PRDM5: variants seen among roughly 807,000 people sequenced by gnomAD.
PRDM5 encodes the protein PR domain zinc finger protein 5.
A neutral mutation model predicts 81.2 loss-of-function variants in PRDM5; 56 were observed. The ratio of observed to expected loss-of-function variants is 0.69; its 90% confidence interval spans 0.56 to 0.86. The LOEUF (loss-of-function observed/expected upper bound fraction) is 0.86. PRDM5 is among the 40% of genes least tolerant of loss of function. The pLI is 0.00. For synonymous variants in PRDM5, 267 were observed against 256.4 expected, an observed-to-expected ratio of 1.04 and a Z score of -0.39; for missense variants, 697 against 770.1, an observed-to-expected ratio of 0.91 and a Z score of 1.12.
At chr4:120,816,990 A>C in intron 5 of PRDM5, 66 bp from the exon 6 acceptor site, 1 of 1,211,610 alleles carries the variant, frequency 8.3e-7, no homozygotes, top group Non-Finnish European at 1.2e-6. Context: ...ACAAAAATGA[A>C]ACTACACTAA....
chr4:120,746,264 C>A (rs1411989697), intron 14 of PRDM5, among the ~76,000 whole-genome samples: 3 of 140,278 alleles, frequency 2.1e-5, no homozygotes, highest in African/African-American at 5.4e-5. Flanking sequence ...CTTCCTTACA[C>A]CTTATACAAA....
chr4:120,867,764 T>C (rs1312030329), intron 2 of PRDM5, among the ~76,000 whole-genome samples: 3 of 152,230 alleles, frequency 2.0e-5, no homozygotes, highest in African/African-American at 4.8e-5. Flanking sequence ...AAATAAGTCA[T>C]CTAAAATTAC....
chr4:120,734,734 A>G (rs1465508306), intron 14 of PRDM5, among the ~76,000 whole-genome samples: 1 of 151,900 alleles, frequency 6.6e-6, no homozygotes, highest in Admixed American at 6.6e-5. Flanking sequence ...TTTTTTTTCC[A>G]TTCCACATAG....
At position 120,721,180 on chromosome 4, in the gene PRDM5, AG is replaced by A. The variant is rs547515532; in HGVS notation, c.1624-10768del. 4.6e-5 allele frequency among the ~76,000 whole-genome samples: 7 copies of A among 152,326 alleles called. No homozygotes were observed. The South Asian group carries it at 1.5e-3, about 32-fold the overall frequency. ...AAAAGCCTTGTTTTCCTGGGGCTGC[AG>A]GGTGACTCAAACTAGTCCATTTGGA... On this transcript the variant is annotated intron_variant, in intron 14 of 15. Coordinates refer to ENST00000264808, the MANE Select transcript of PRDM5 (RefSeq NM_018699.4).
chr4:120,880,928 C>A (rs577281184), intron 2 of PRDM5, among the ~76,000 whole-genome samples: 5 of 152,016 alleles, frequency 3.3e-5, no homozygotes, highest in African/African-American at 1.2e-4. Flanking sequence ...TTAAGTTCAA[C>A]GAAATATTGT....
intron 13 of PRDM5, among the ~76,000 whole-genome samples, chr4:120,760,271 C>T (rs148770284): frequency 1.8e-3 from 279 of 152,216 alleles, no homozygotes; most frequent in Non-Finnish European, 3.4e-3. Context: ...TGGTTATCAA[C>T]GCTCATCAAG....
intron 2 of PRDM5, among the ~76,000 whole-genome samples, chr4:120,885,134 C>CAAAAAAAAA (rs60623556): frequency 4.7e-4 from 24 of 50,538 alleles, no homozygotes; most frequent in Non-Finnish European, 6.2e-4. Flanking sequence ...GACTCCGTAT[C>CAAAAAAAAA]AAAAAAAAAA....
intron 2 of PRDM5, among the ~76,000 whole-genome samples, chr4:120,859,264 G>C (rs1760283923): frequency 6.6e-6 from 1 of 151,072 alleles, no homozygotes. Flanking sequence ...AGAGGGCAGT[G>C]GCACAGCACC....
intron 2 of PRDM5, among the ~76,000 whole-genome samples, chr4:120,871,766 C>CAAA (rs139374666): frequency 1.5e-5 from 2 of 137,700 alleles, no homozygotes; most frequent in Admixed American, 7.4e-5. Flanking sequence ...GCTACTGTTT[C>CAAA]AAAAAAAAAA....
At chr4:120,784,925 A>G (rs1469526173) in intron 11 of PRDM5, 73 bp downstream of exon 11, 1 of 1,193,052 alleles carries the variant, frequency 8.4e-7, no homozygotes, top group Non-Finnish European at 1.2e-6. Flanking sequence ...TGGGATGTCT[A>G]CATTCTCAAA....
chr4:120,782,209 T>C (rs144721220), intron 11 of PRDM5, among the ~76,000 whole-genome samples: 44 of 152,306 alleles, frequency 2.9e-4, no homozygotes, highest in African/African-American at 1.1e-3. Context: ...TATGTGACTA[T>C]ATAAATAAGA....
intron 10 of PRDM5, among the ~76,000 whole-genome samples, chr4:120,794,076 T>G (rs997772409): frequency 3.9e-5 from 6 of 152,230 alleles, no homozygotes; most frequent in African/African-American, 1.4e-4. Context: ...GTATCTGTGG[T>G]TCCTTCTGTC....
At chr4:120,793,005 C>T (rs998493038) in intron 10 of PRDM5, among the ~76,000 whole-genome samples, 1 of 152,148 alleles carries the variant, frequency 6.6e-6, no homozygotes, top group South Asian at 2.1e-4. Context: ...GAGATGTATA[C>T]TACAGCAGGG....
At chr4:120,881,934 C>T (rs776741079) in intron 2 of PRDM5, among the ~76,000 whole-genome samples, 5 of 152,192 alleles carry the variant, frequency 3.3e-5, no homozygotes, top group Non-Finnish European at 5.9e-5. Context: ...CCAAAAATGG[C>T]TCTTTCTTGA....
chr4:120,744,641 T>C (rs1342609714), intron 14 of PRDM5, among the ~76,000 whole-genome samples: 1 of 152,036 alleles, frequency 6.6e-6, no homozygotes, highest in Non-Finnish European at 1.5e-5. Context: ...CATCAGAGAA[T>C]ACTACAAACA....
intron 1 of PRDM5, among the ~76,000 whole-genome samples, chr4:120,913,022 C>T (rs78662922): frequency 0.042 from 6,397 of 152,280 alleles, 186 homozygotes; most frequent in Non-Finnish European, 0.065. Context: ...AATCTTCCTT[C>T]CCCACTGTAG....
chr4:120,742,096 GCCT>G (rs1259806157), intron 14 of PRDM5, among the ~76,000 whole-genome samples: 2 of 152,218 alleles, frequency 1.3e-5, no homozygotes, highest in Non-Finnish European at 2.9e-5. Flanking sequence ...CAGGCAGACT[GCCT>G]CCTCAAGTGG....
At chr4:120,826,446 CTTCTGTGGT>C (rs1298993634) in intron 3 of PRDM5, among the ~76,000 whole-genome samples, 1 of 152,118 alleles carries the variant, frequency 6.6e-6, no homozygotes, top group Non-Finnish European at 1.5e-5. Context: ...ACATCATTTA[CTTCTGTGGT>C]TTTTGTCACT....
chr4:120,693,861 C>T lies in PRDM5; in HGVS notation c.*1250G>A, dbSNP rs1399590421. The T allele has an allele frequency of 6.6e-6, 1 of 152,112 alleles. No individual in the cohort carries two copies. Among genetic ancestry groups the T allele is most frequent in the Non-Finnish European group, 1.5e-5 (1 of 68,014 alleles). 9.4% of individuals were successfully genotyped at this position (152,112 alleles called of 1,614,324 possible). On this transcript the variant is annotated 3_prime_UTR_variant, in exon 16 of 16. Coordinates refer to ENST00000264808, the MANE Select transcript of PRDM5 (RefSeq NM_018699.4). ...CCAGGTTATTTTGACATCACTATTACATTGTATCATATCATCTCTCCAAAC... is the reference window on the plus strand; with the variant it reads ...CCAGGTTATTTTGACATCACTATTATATTGTATCATATCATCTCTCCAAAC...
Sources: allele counts gnomAD v4.1 joint callset (sites outside exome capture counted in the v4.1 genomes callset), GRCh38; gene constraint gnomAD v4.1.1; transcripts MANE v1.5; gene names NCBI Gene and HGNC (gene_info 2026-07-23, HGNC 2026-07-21).